The following ACSS2 variants were observed in gnomAD, a reference collection of about 807,000 sequenced individuals.
ACSS2 encodes acetyl-coenzyme A synthetase, cytoplasmic.
ACSS2 carries 58 observed loss-of-function variants against 90.6 expected under a neutral mutation model. That is an observed-to-expected ratio of 0.64 (90% CI 0.52 to 0.80). The LOEUF (loss-of-function observed/expected upper bound fraction) is 0.80. Ranked by LOEUF, ACSS2 falls within the 30% of genes least tolerant of loss-of-function variation. The pLI is 0.00. For missense variants in ACSS2, 759 were observed against 912.0 expected (o/e 0.83, Z 2.16); for synonymous variants, 300 against 330.9 (o/e 0.91, Z 1.01).
At chr20:34,893,819 G>A (rs1394382150) in intron 2 of ACSS2, among the ~76,000 whole-genome samples, 2 of 152,072 alleles carry the variant, frequency 1.3e-5, no homozygotes, top group Non-Finnish European at 2.9e-5. Context: ...GGGTTCTAAG[G>A]TCTGGTCTAC....
intron 2 of ACSS2, among the ~76,000 whole-genome samples, chr20:34,901,963 A>G (rs949776166): frequency 3.3e-5 from 5 of 152,140 alleles, no homozygotes; most frequent in African/African-American, 1.2e-4. Context: ...ATTCAACATG[A>G]TATCTCCAGG....
In ACSS2 at chr20:34,921,344, C is replaced by G; in HGVS notation, c.1292C>G (p.Ser431Cys). ...CCCTGCCCCAGGCATAGCCGGGCAT[C>G]CTTGCAGGTGTTAGGCACAGTGGGT... ...DEPVTKHSRASLQVLGTVGEP... is the reference protein window; with the variant it reads ...DEPVTKHSRACLQVLGTVGEP... Residue 431 changes from serine to cysteine, a missense_variant, in exon 11 of 18, where the codon TCC (serine) becomes TGC (cysteine). By Grantham distance (112) the Ser-to-Cys change is moderately radical (BLOSUM62 -1). Transcript: ENST00000360596. 2 of 1,614,198 alleles carry G rather than the reference C, an allele frequency of 1.2e-6. No homozygotes were observed. Among genetic ancestry groups the G allele is most frequent in the Non-Finnish European group, 1.7e-6 (2 of 1,180,018 alleles).
In ACSS2 at chr20:34,920,614, G is replaced by A; in HGVS notation, c.1048G>A (p.Glu350Lys). 1 of 1,614,228 alleles carries A rather than the reference G, an allele frequency of 6.2e-7. No homozygotes were observed. Among genetic ancestry groups the A allele is most frequent in the Non-Finnish European group, 8.5e-7 (1 of 1,180,034 alleles). Residue 350 changes from glutamate (E) to lysine (K), a missense_variant, in exon 9 of 18, where the codon GAG (glutamate) becomes AAG (lysine). Transcript: ENST00000360596. The stretch of plus-strand genomic sequence containing the variant: ...CAAGTATGTGTTTGACTTCCATGCA[G>A]AGGATGTGTTCTGGTGCACGGCAGA... ...TFKYVFDFHAEDVFWCTADIG... is the reference protein window; with the variant it reads ...TFKYVFDFHAKDVFWCTADIG...
chr20:34,926,082 G>T, intron 15 of ACSS2, 23 bp from the exon 16 acceptor site: 1 of 1,613,440 alleles, frequency 6.2e-7, no homozygotes, highest in African/African-American at 1.3e-5. Context: ...TCTCTCTCAT[G>T]GCACTTCCTT....
At chr20:34,887,694 T>G (rs1324933112) in intron 2 of ACSS2, among the ~76,000 whole-genome samples, 1 of 151,484 alleles carries the variant, frequency 6.6e-6, no homozygotes, top group African/African-American at 2.4e-5. Flanking sequence ...TGAGCCGAGA[T>G]CGTGCCATTG....
intron 2 of ACSS2, among the ~76,000 whole-genome samples, chr20:34,893,275 C>T (rs2080379777): frequency 6.6e-6 from 1 of 152,110 alleles, no homozygotes; most frequent in Non-Finnish European, 1.5e-5. Flanking sequence ...AGTTGTGGCC[C>T]ACTGTAGCCT....
chr20:34,877,567 C>T (rs143499091), intron 1 of ACSS2, among the ~76,000 whole-genome samples: 9,010 of 152,064 alleles, frequency 0.059, 305 homozygotes, highest in East Asian at 0.079. Flanking sequence ...CCTGTAATCC[C>T]AGCACTTTGG....
intron 2 of ACSS2, among the ~76,000 whole-genome samples, chr20:34,887,103 A>G (rs1432572017): frequency 6.6e-6 from 1 of 152,216 alleles, no homozygotes; most frequent in African/African-American, 2.4e-5. Flanking sequence ...TATTTTTAGA[A>G]CTTGAAGTGA....
chr20:34,914,323 G>C lies in ACSS2; in HGVS notation c.720G>C (p.Lys240Asn). ...CACTTTAGGCTTTTCTCTTCTCCAG[G>C]GGTTTCCCAGTAAGATGCTGCATTG... ...ADEALQKCQE[K>N]GFPVRCCIVV... The change falls in exon 7 of 18, where the codon AAG becomes AAC. Residue 240 changes from lysine (K) to asparagine (N), a missense_variant and splice_region_variant. Coordinates refer to ENST00000360596, the MANE Select transcript of ACSS2 (RefSeq NM_018677.4). 6.2e-7 allele frequency: 1 copy of C among 1,612,562 alleles called. No homozygotes were observed. Among genetic ancestry groups the C allele is most frequent in the Non-Finnish European group, 8.5e-7 (1 of 1,179,258 alleles).
At chr20:34,898,294 T>C (rs1319994249) in intron 2 of ACSS2, among the ~76,000 whole-genome samples, 3 of 152,214 alleles carry the variant, frequency 2.0e-5, no homozygotes, top group Non-Finnish European at 4.4e-5. Context: ...ATCCTGCTGA[T>C]TGGTAGAGCC....
Position 34,914,359 on chromosome 20 carries a change from C to T in ACSS2, c.756C>T (p.His252=), listed in dbSNP as rs61014667. Reference sequence around the variant, plus strand: ...TAAGATGCTGCATTGTGGTCAAGCACCTGGGGCGGGCAGAGCTCGGCATGG... The same window carrying T: ...TAAGATGCTGCATTGTGGTCAAGCATCTGGGGCGGGCAGAGCTCGGCATGG... The part of the protein sequence containing the change: ...FPVRCCIVVK[H]LGRAELGMGD... The change falls in exon 7 of 18, where the codon CAC becomes CAT. Residue 252 remains histidine, a synonymous_variant. Transcript: ENST00000360596. 2.1e-3 allele frequency: 3,331 copies of T among 1,613,900 alleles called. 16 individuals are homozygous for T. The highest frequency in any genetic ancestry group is 1.7e-3 in the Non-Finnish European group (1,949 of 1,179,904).
intron 2 of ACSS2, among the ~76,000 whole-genome samples, chr20:34,898,300 G>A (rs2080517650): frequency 6.6e-6 from 1 of 152,208 alleles, no homozygotes; most frequent in African/African-American, 2.4e-5. Flanking sequence ...CTGATTGGTA[G>A]AGCCAAGTGG....
intron 1 of ACSS2, among the ~76,000 whole-genome samples, chr20:34,877,851 G>T (rs746333019): frequency 6.8e-5 from 9 of 131,738 alleles, no homozygotes; most frequent in Non-Finnish European, 1.1e-4. Context: ...AAAAAAAAAG[G>T]TATAAGGAAA....
chr20:34,908,699 T>G (rs1185889891), intron 2 of ACSS2: 1 of 281,406 alleles, frequency 3.6e-6, no homozygotes, highest in African/African-American at 2.3e-5. Context: ...CCATCTCTAC[T>G]AAAATGCAAA....
At chr20:34,898,906 G>A (rs2080546836) in intron 2 of ACSS2, among the ~76,000 whole-genome samples, 1 of 152,188 alleles carries the variant, frequency 6.6e-6, no homozygotes, top group Non-Finnish European at 1.5e-5. Flanking sequence ...GGGGGTGGGG[G>A]AGGCTCAGGC....
intron 1 of ACSS2, among the ~76,000 whole-genome samples, chr20:34,879,047 G>C (rs1452579613): frequency 2.6e-5 from 4 of 151,348 alleles, no homozygotes; most frequent in African/African-American, 9.7e-5. Flanking sequence ...TGGGACTACA[G>C]GCGCCCGCTA....
chr20:34,883,852 T>C (rs1350993480), intron 2 of ACSS2, among the ~76,000 whole-genome samples: 3 of 152,224 alleles, frequency 2.0e-5, no homozygotes, highest in East Asian at 1.9e-4. Context: ...CGAATCCAAA[T>C]AGGACTTAGA....
At chr20:34,875,243 C>T, upstream of ACSS2, 11 of 519,884 alleles carry the variant, frequency 2.1e-5, no homozygotes, top group South Asian at 1.6e-4. Context: ...GTGGGGGTTT[C>T]CCTTGGTGGA....
intron 2 of ACSS2, among the ~76,000 whole-genome samples, chr20:34,909,822 TCCTCCCGCCTTAG>T (rs2080904525): frequency 6.6e-6 from 1 of 151,706 alleles, no homozygotes; most frequent in Admixed American, 6.6e-5. Context: ...GTTCAAATGA[TCCTCCCGCCTTAG>T]CCTCCCAAGT....
Sources: gnomAD v4.1 joint callset for allele counts (sites outside exome capture counted in the v4.1 genomes callset) on GRCh38, gnomAD v4.1.1 for gene constraint, MANE v1.5 for transcripts, NCBI Gene and HGNC (gene_info 2026-07-23, HGNC 2026-07-21) for gene names.